Variants in LRRTM4 observed in about 807,000 individuals in gnomAD.
The protein encoded by LRRTM4 is leucine-rich repeat transmembrane neuronal protein 4.
LRRTM4 carries 25 observed loss-of-function variants against 47.6 expected under a neutral mutation model. The observed-to-expected ratio is 0.53, with a 90% confidence interval of 0.38 to 0.73. LRRTM4 has a LOEUF of 0.73. Ranked by LOEUF, LRRTM4 falls within the 30% of genes least tolerant of loss-of-function variation. LRRTM4 has a pLI of 0.00. For missense variants in LRRTM4, 638 were observed against 713.4 expected, an observed-to-expected ratio of 0.89 and a Z score of 1.20; for synonymous variants, 311 against 269.5, an observed-to-expected ratio of 1.15 and a Z score of -1.51.
intron 3 of LRRTM4, among the ~76,000 whole-genome samples, chr2:76,927,380 C>T (rs577826147): frequency 2.2e-4 from 33 of 152,182 alleles, no homozygotes; most frequent in South Asian, 8.3e-4. Context: ...TGCTGTATAA[C>T]GGTTCTACGA....
intron 3 of LRRTM4, among the ~76,000 whole-genome samples, chr2:77,045,152 A>G (rs1679191861): frequency 6.6e-6 from 1 of 151,950 alleles, no homozygotes; most frequent in Non-Finnish European, 1.5e-5. Context: ...GTAACTCTAC[A>G]TGGAGAGGCA....
intron 3 of LRRTM4, among the ~76,000 whole-genome samples, chr2:77,327,547 G>T (rs374803159): frequency 6.6e-6 from 1 of 152,072 alleles, no homozygotes; most frequent in African/African-American, 2.4e-5. Context: ...GGAAATAAAA[G>T]AACAAAAGGT....
chr2:76,753,494 A>G (rs1009481792), intron 3 of LRRTM4, among the ~76,000 whole-genome samples: 2 of 152,154 alleles, frequency 1.3e-5, no homozygotes, highest in African/African-American at 4.8e-5. Context: ...ACTTTTGTGT[A>G]TGTTCTGGTT....
At chr2:77,502,518 T>A (rs553094585) in intron 3 of LRRTM4, among the ~76,000 whole-genome samples, 84 of 151,644 alleles carry the variant, frequency 5.5e-4, no homozygotes, top group Non-Finnish European at 9.7e-4. Flanking sequence ...TATGTAATTA[T>A]CTTTAAAAGG....
chr2:76,989,528 A>T (rs1039447340), intron 3 of LRRTM4, among the ~76,000 whole-genome samples: 6 of 151,860 alleles, frequency 4.0e-5, no homozygotes, highest in Non-Finnish European at 7.4e-5. Flanking sequence ...TCATAGTTAC[A>T]TGTTGAGAGA....
At chr2:77,111,128 G>GTTTTT (rs1558585272) in intron 3 of LRRTM4, among the ~76,000 whole-genome samples, 1 of 151,958 alleles carries the variant, frequency 6.6e-6, no homozygotes, top group African/African-American at 2.4e-5. Context: ...GTTTTGTTTT[G>GTTTTT]AGATGGAGTC....
In LRRTM4 at chr2:77,465,709, A is replaced by G. The variant is rs77662637; in HGVS notation, c.1551+52609T>C. On this transcript the variant is annotated intron_variant, in intron 3 of 3. Coordinates refer to ENST00000409884, the MANE Select transcript of LRRTM4 (RefSeq NM_001134745.3). ...TAATAATTATGTAAGTAAGAAACAC[A>G]TATGTTTCTGCCAAAGGTTTTACCT... 1.8e-3 allele frequency among the ~76,000 whole-genome samples: 273 copies of G among 152,314 alleles called. 5 individuals are homozygous for G. The East Asian group carries it at 0.049, about 27-fold the overall frequency.
intron 3 of LRRTM4, among the ~76,000 whole-genome samples, chr2:77,110,282 G>T (rs986145745): frequency 1.3e-5 from 2 of 152,082 alleles, no homozygotes; most frequent in African/African-American, 2.4e-5. Flanking sequence ...TGGCAACCTA[G>T]AATTTATGTT....
At chr2:77,255,996 A>C (rs60829735) in intron 3 of LRRTM4, among the ~76,000 whole-genome samples, 27 of 152,106 alleles carry the variant, frequency 1.8e-4, no homozygotes, top group African/African-American at 5.1e-4. Flanking sequence ...TCTTTGAGAA[A>C]ACTGATAAAA....
At chr2:77,521,936 G>T (rs907825218) in intron 1 of LRRTM4, 118 bp from the exon 2 acceptor site, 18 of 530,936 alleles carry the variant, frequency 3.4e-5, no homozygotes, top group Non-Finnish European at 5.4e-5. Context: ...GGAAAAGGAA[G>T]CCGTTGGGGG....
intron 3 of LRRTM4, among the ~76,000 whole-genome samples, chr2:76,909,519 C>T (rs1673972510): frequency 6.6e-6 from 1 of 151,976 alleles, no homozygotes; most frequent in Admixed American, 6.5e-5. Context: ...TAAAGAGCTT[C>T]TGCACAGCAA....
intron 3 of LRRTM4, among the ~76,000 whole-genome samples, chr2:76,983,125 G>C (rs765218298): frequency 6.6e-6 from 1 of 151,906 alleles, no homozygotes; most frequent in African/African-American, 2.4e-5. Flanking sequence ...TGGTAAAATG[G>C]TAAAGACCAC....
chr2:77,037,635 T>C (rs1468824930), intron 3 of LRRTM4, among the ~76,000 whole-genome samples: 1 of 151,736 alleles, frequency 6.6e-6, no homozygotes, highest in Non-Finnish European at 1.5e-5. Flanking sequence ...ATTAAAAATG[T>C]AGACTCTAAT....
chr2:76,812,475 G>A (rs1028485638), intron 3 of LRRTM4, among the ~76,000 whole-genome samples: 1 of 152,088 alleles, frequency 6.6e-6, no homozygotes, highest in African/African-American at 2.4e-5. Flanking sequence ...CCTGAGAGTG[G>A]CAGCTTGCTA....
chr2:77,198,700 A>G (rs1211014467), intron 3 of LRRTM4, among the ~76,000 whole-genome samples: 1 of 152,174 alleles, frequency 6.6e-6, no homozygotes, highest in African/African-American at 2.4e-5. Flanking sequence ...CTTGCTTTCA[A>G]TCACTGACAT....
At chr2:77,346,260 G>A (rs1558699103) in intron 3 of LRRTM4, among the ~76,000 whole-genome samples, 2 of 152,008 alleles carry the variant, frequency 1.3e-5, no homozygotes, top group Non-Finnish European at 2.9e-5. Context: ...GTGGTACTTG[G>A]TGAGGTGATG....
intron 3 of LRRTM4, among the ~76,000 whole-genome samples, chr2:77,406,771 A>G (rs1558728251): frequency 1.3e-5 from 2 of 152,146 alleles, no homozygotes; most frequent in African/African-American, 4.8e-5. Flanking sequence ...CTTTCATTTA[A>G]TATAAAGAGC....
chr2:76,807,534 G>A (rs1358571375), intron 3 of LRRTM4, among the ~76,000 whole-genome samples: 1 of 144,290 alleles, frequency 6.9e-6, no homozygotes, highest in African/African-American at 2.6e-5. Flanking sequence ...CAACTTTGGG[G>A]ATTTGTGTTT....
chr2:77,156,429 A>C (rs1251198393), intron 3 of LRRTM4, among the ~76,000 whole-genome samples: 1 of 152,018 alleles, frequency 6.6e-6, no homozygotes, highest in Admixed American at 6.6e-5. Context: ...AAAATGATTC[A>C]ATAAATTATA....
Sources: gnomAD v4.1 joint callset for allele counts (sites outside exome capture counted in the v4.1 genomes callset) on GRCh38, gnomAD v4.1.1 for gene constraint, MANE v1.5 for transcripts, NCBI Gene and HGNC (gene_info 2026-07-23, HGNC 2026-07-21) for gene names.